The following CPA5 variants were observed in gnomAD, a reference collection of about 807,000 sequenced individuals.
CPA5 encodes the protein carboxypeptidase A5, also known as testicular tissue protein Li 32.
A neutral mutation model predicts 52.2 loss-of-function variants in CPA5; 38 were observed. That is an observed-to-expected ratio of 0.73 (90% CI 0.56 to 0.95). The LOEUF is 0.95. Among genes scored for constraint, CPA5 ranks in the 40% least tolerant of loss-of-function variants. The pLI, the probability that CPA5 is intolerant of heterozygous loss-of-function variation, is 0.00. For missense variants in CPA5, 519 were observed against 566.7 expected, an observed-to-expected ratio of 0.92 and a Z score of 0.86; for synonymous variants, 198 against 213.7, an observed-to-expected ratio of 0.93 and a Z score of 0.64.
At chr7:130,371,796 A>T (rs1796297595), downstream of CPA5, among the ~76,000 whole-genome samples, 1 of 152,010 alleles carries the variant, frequency 6.6e-6, no homozygotes, top group Non-Finnish European at 1.5e-5. Context: ...ACCTCATGTG[A>T]TCTGACTTCC....
At chr7:130,352,486 G>A (rs1554404182) in intron 5 of CPA5, among the ~76,000 whole-genome samples, 3 of 151,904 alleles carry the variant, frequency 2.0e-5, no homozygotes, top group African/African-American at 7.3e-5. Flanking sequence ...CGGTAATTAC[G>A]GTGCGCTGAA....
At chr7:130,368,316 C>T in intron 12 of CPA5, 94 bp from the exon 13 acceptor site, 2 of 1,313,230 alleles carry the variant, frequency 1.5e-6, no homozygotes, top group African/African-American at 1.5e-5. Flanking sequence ...GGTTTGGCTC[C>T]CAGGGCTCAC....
intron 5 of CPA5, 87 bp from the exon 6 acceptor site, chr7:130,359,502 T>C: frequency 1.1e-6 from 1 of 887,174 alleles, no homozygotes; most frequent in South Asian, 1.6e-5. Flanking sequence ...GCTGTCTTTA[T>C]GCACAGCCAG....
chr7:130,359,747 T>G, intron 6 of CPA5, 60 bp downstream of exon 6: 1 of 1,220,864 alleles, frequency 8.2e-7, no homozygotes, highest in Non-Finnish European at 1.2e-6. Flanking sequence ...TAGGGTCTCC[T>G]GACTCAGTCA....
intron 5 of CPA5, among the ~76,000 whole-genome samples, chr7:130,352,581 C>T (rs911248487): frequency 2.0e-5 from 3 of 152,146 alleles, no homozygotes; most frequent in Non-Finnish European, 4.4e-5. Context: ...AAAGAGTGCC[C>T]TCCACCATGT....
At position 130,363,502 on chromosome 7, in the gene CPA5, T is replaced by A; in HGVS notation, c.831T>A (p.Gly277=). 6.3e-7 allele frequency: 1 copy of A among 1,582,322 alleles called. No individual in the cohort carries two copies. The highest frequency in any genetic ancestry group is 1.3e-5 in the African/African-American group (1 of 74,790). The change falls in exon 10 of 13, where the codon GGT becomes GGA. Residue 277 remains glycine (G), a synonymous_variant. Transcript: ENST00000474905. ...ATCTCAACAGGAACTGGAAGTCGGG[T>A]TTTGGAGGTATGGCAACCTGCTGTC... ...GVDLNRNWKS[G]FGGNGSNSNP... is the part of the protein sequence containing the mutation.
chr7:130,372,009 G>A (rs771089652), downstream of CPA5, among the ~76,000 whole-genome samples: 25 of 152,234 alleles, frequency 1.6e-4, no homozygotes, highest in African/African-American at 4.6e-4. Flanking sequence ...CCTGCCCAGC[G>A]GCTTTGTGTG....
intron 10 of CPA5, among the ~76,000 whole-genome samples, chr7:130,365,774 C>T (rs141481300): frequency 1.3e-5 from 2 of 152,366 alleles, no homozygotes; most frequent in Non-Finnish European, 2.9e-5. Context: ...GCTTTCTGTG[C>T]GTGGGCCGCA....
downstream of CPA5, among the ~76,000 whole-genome samples, chr7:130,373,538 C>G (rs183685420): frequency 6.6e-6 from 1 of 152,146 alleles, no homozygotes; most frequent in South Asian, 2.1e-4. Flanking sequence ...CCAGGCTGGC[C>G]GGGAGGCCGT....
At chr7:130,361,081 G>C in intron 6 of CPA5, 62 bp from the exon 7 acceptor site, 1 of 1,004,312 alleles carries the variant, frequency 1.0e-6, no homozygotes, top group Admixed American at 1.7e-5. Flanking sequence ...CATTCAGAGA[G>C]GCCCCAGTGT....
chr7:130,356,218 G>A (rs1447205940), intron 5 of CPA5, among the ~76,000 whole-genome samples: 1 of 152,134 alleles, frequency 6.6e-6, no homozygotes, highest in Non-Finnish European at 1.5e-5. Flanking sequence ...CTCAGCTTCA[G>A]CACTGGGGCC....
intron 6 of CPA5, among the ~76,000 whole-genome samples, chr7:130,360,881 A>G (rs1323887958): frequency 6.6e-6 from 1 of 152,228 alleles, no homozygotes; most frequent in Non-Finnish European, 1.5e-5. Flanking sequence ...GGCTCAGCAC[A>G]CACTGTTCTT....
chr7:130,362,824 C>T, intron 8 of CPA5, 60 bp from the exon 9 acceptor site: 1 of 1,087,908 alleles, frequency 9.2e-7, no homozygotes, highest in African/African-American at 1.5e-5. Context: ...TGAAAATGTC[C>T]TGTGCCACCT....
chr7:130,374,334 T>C, the CPA5 span, among the ~76,000 whole-genome samples: 1 of 152,246 alleles, frequency 6.6e-6, no homozygotes, highest in Non-Finnish European at 1.5e-5. Context: ...TCTTCTTCCC[T>C]GAGCTTCTAG....
intron 5 of CPA5, 81 bp downstream of exon 5, chr7:130,350,190 G>A: frequency 2.7e-6 from 4 of 1,455,190 alleles, no homozygotes; most frequent in Non-Finnish European, 3.7e-6. Flanking sequence ...TGTTCTCGGG[G>A]CTAAAAGTGG....
intron 5 of CPA5, among the ~76,000 whole-genome samples, chr7:130,351,242 A>T (rs1186900819): frequency 1.3e-5 from 2 of 152,212 alleles, no homozygotes; most frequent in Non-Finnish European, 2.9e-5. Flanking sequence ...CCCGCAGACA[A>T]AAGAGGCTAC....
At chr7:130,368,752 T>C (rs1485752234), downstream of CPA5, 1 of 720,800 alleles carries the variant, frequency 1.4e-6, no homozygotes. Flanking sequence ...TCGTGTTGGC[T>C]ACCACCCCTA....
chr7:130,346,274 C>T, intron 2 of CPA5, 119 bp from the exon 3 acceptor site: 1 of 443,494 alleles, frequency 2.3e-6, no homozygotes, highest in Non-Finnish European at 4.0e-6. Flanking sequence ...TCTCTCTTCC[C>T]TCTCCCCTTC....
intron 5 of CPA5, among the ~76,000 whole-genome samples, chr7:130,355,038 G>A (rs552083305): frequency 3.5e-5 from 5 of 143,226 alleles, no homozygotes; most frequent in Non-Finnish European, 6.1e-5. Context: ...CCCTAAGAGA[G>A]ATGGAGGCTG....
Sources: gnomAD v4.1 joint callset for allele counts (sites outside exome capture counted in the v4.1 genomes callset) on GRCh38, gnomAD v4.1.1 for gene constraint, MANE v1.5 for transcripts, NCBI Gene and HGNC (gene_info 2026-07-23, HGNC 2026-07-21) for gene names.